VPS13C: variants seen among roughly 807,000 people sequenced by gnomAD.
The protein encoded by VPS13C is intermembrane lipid transfer protein VPS13C.
Under a neutral mutation model 456.8 loss-of-function variants are expected in VPS13C, and 358 were observed. The ratio of observed to expected loss-of-function variants is 0.78; its 90% CI spans 0.72 to 0.86. The LOEUF (loss-of-function observed/expected upper bound fraction) is 0.86. Ranked by LOEUF, VPS13C falls within the 40% of genes least tolerant of loss-of-function variation. VPS13C has a pLI of 0.00. For missense variants in VPS13C, 4,818 were observed against 4,385.4 expected (o/e 1.10, Z -2.79); for synonymous variants, 1,578 against 1,486.7 (o/e 1.06, Z -1.41).
intron 61 of VPS13C, among the ~76,000 whole-genome samples, chr15:61,914,096 A>G (rs1017921385): frequency 6.6e-6 from 1 of 152,182 alleles, no homozygotes; most frequent in Non-Finnish European, 1.5e-5. Flanking sequence ...TAGTTTGTAA[A>G]AAACTTGAGG....
At chr15:61,925,937 G>A (rs958168550) in intron 52 of VPS13C, among the ~76,000 whole-genome samples, 6 of 152,152 alleles carry the variant, frequency 3.9e-5, no homozygotes, top group African/African-American at 1.4e-4. Context: ...ACAGTTTCCC[G>A]ATGCTTGACA....
chr15:61,860,550 GA>G (rs1291823919), intron 82 of VPS13C, among the ~76,000 whole-genome samples: 1 of 152,018 alleles, frequency 6.6e-6, no homozygotes, highest in African/African-American at 2.4e-5. Flanking sequence ...AGATACTAGG[GA>G]AAAAATGTCC....
chr15:61,881,656 A>C (rs201012744), intron 70 of VPS13C, 24 bp from the exon 71 acceptor site: 1 of 1,607,478 alleles, frequency 6.2e-7, no homozygotes, highest in East Asian at 2.2e-5. Context: ...GTAACACATA[A>C]AAAAAAATAA....
chr15:61,856,249 G>A (rs1314591610), intron 83 of VPS13C, 37 bp downstream of exon 83: 1 of 1,606,936 alleles, frequency 6.2e-7, no homozygotes. Flanking sequence ...TAAAAGCAAT[G>A]AACTCTTAGC....
intron 74 of VPS13C, among the ~76,000 whole-genome samples, chr15:61,877,710 C>T (rs1007875720): frequency 1.2e-4 from 18 of 151,774 alleles, no homozygotes; most frequent in African/African-American, 4.3e-4. Flanking sequence ...TAAAAAGTAC[C>T]TATTTCTTAG....
At chr15:61,966,361 T>C (rs577460441) in intron 29 of VPS13C, among the ~76,000 whole-genome samples, 4 of 151,778 alleles carry the variant, frequency 2.6e-5, no homozygotes, top group African/African-American at 9.6e-5. Flanking sequence ...AATATTCATT[T>C]CTGGGAAACT....
chr15:61,930,438 A>C (rs2044017098), intron 50 of VPS13C, among the ~76,000 whole-genome samples: 1 of 152,218 alleles, frequency 6.6e-6, no homozygotes, highest in Admixed American at 6.5e-5. Flanking sequence ...CAAAGGGCTC[A>C]CAAGTATCCC....
At position 62,060,400 on chromosome 15, in the gene VPS13C, G is replaced by T. The variant is rs375196196; in HGVS notation, c.-26C>A. On this transcript the variant is annotated 5_prime_UTR_variant, in exon 1 of 85. Coordinates refer to ENST00000644861, the MANE Select transcript of VPS13C (RefSeq NM_020821.3). Reference sequence around the variant, plus strand: ...GGTGGCGCTGAGGCACAAGGAGAGGGAGGAGCCGGAACCGCCCGGCGCAGC... The same window carrying T: ...GGTGGCGCTGAGGCACAAGGAGAGGTAGGAGCCGGAACCGCCCGGCGCAGC... 1.5e-6 allele frequency: 2 copies of T among 1,370,050 alleles called. No individual in the cohort carries two copies. Among genetic ancestry groups the T allele is most frequent in the South Asian group, 2.4e-5 (2 of 82,250 alleles). 84.9% of individuals were successfully genotyped at this position (1,370,050 alleles called of 1,614,324 possible). A position where few individuals can be genotyped will look rare whatever the true frequency, so the allele number is the denominator to read the frequency against.
intron 82 of VPS13C, among the ~76,000 whole-genome samples, chr15:61,862,478 T>C (rs920825207): frequency 2.0e-5 from 3 of 152,172 alleles, no homozygotes; most frequent in African/African-American, 7.2e-5. Flanking sequence ...TACTGAATTA[T>C]ATAAAAGTGA....
At chr15:61,965,945 C>A in intron 30 of VPS13C, 138 bp downstream of exon 30, 1 of 504,260 alleles carries the variant, frequency 2.0e-6, no homozygotes, top group Non-Finnish European at 3.4e-6. Flanking sequence ...TGGTAAGTAT[C>A]GATGAGGTTA....
chr15:61,918,308 A>G, intron 58 of VPS13C, 51 bp from the exon 59 acceptor site: 1 of 1,423,360 alleles, frequency 7.0e-7, no homozygotes, highest in South Asian at 1.4e-5. Flanking sequence ...TAAGTTCGAA[A>G]GAAAAAATGA....
chr15:61,929,814 C>T, intron 50 of VPS13C, 66 bp from the exon 51 acceptor site: 3 of 1,409,346 alleles, frequency 2.1e-6, no homozygotes, highest in Non-Finnish European at 2.9e-6. Context: ...GAAGAATTTC[C>T]TATATACCTC....
chr15:62,032,017 A>C (rs2047836581), intron 5 of VPS13C, among the ~76,000 whole-genome samples: 1 of 151,896 alleles, frequency 6.6e-6, no homozygotes, highest in South Asian at 2.1e-4. Flanking sequence ...GAGGAGCTTA[A>C]GATTTGTTTC....
In VPS13C at chr15:61,922,644, G is replaced by A. The variant is rs748601369; in HGVS notation, c.6728C>T (p.Ser2243Leu). Reference sequence around the variant, plus strand: ...AAACCAAGTGTTATAATCATTAATCGATTTGATACCCCAAAGATTTTCCAT... The same window carrying A: ...AAACCAAGTGTTATAATCATTAATCAATTTGATACCCCAAAGATTTTCCAT... ...KEMENLWGIK[S>L]INDYNTWFLG... The change falls in exon 54 of 85, where the codon TCG becomes TTG. Residue 2243 changes from serine to leucine, a missense_variant. Physicochemically the swap from Ser to Leu is moderately radical, Grantham distance 145 (BLOSUM62 -2). Coordinates refer to ENST00000644861, the MANE Select transcript of VPS13C (RefSeq NM_020821.3). 23 of 1,613,638 alleles carry A rather than the reference G, an allele frequency of 1.4e-5. No homozygotes were observed. The highest frequency in any genetic ancestry group is 6.6e-5 in the South Asian group (6 of 91,034).
At chr15:61,946,182 C>G in intron 44 of VPS13C, 125 bp downstream of exon 44, 1 of 771,840 alleles carries the variant, frequency 1.3e-6, no homozygotes, top group Non-Finnish European at 2.0e-6. Flanking sequence ...CCGTTTTCAT[C>G]TCCAATTCCT....
At chr15:62,019,472 G>C (rs951680707) in intron 9 of VPS13C, among the ~76,000 whole-genome samples, 1 of 152,012 alleles carries the variant, frequency 6.6e-6, no homozygotes, top group Non-Finnish European at 1.5e-5. Context: ...GTGTCCCAGA[G>C]ATTCTGGTAT....
chr15:61,945,498 T>A (rs1204001567), intron 45 of VPS13C, among the ~76,000 whole-genome samples: 2 of 152,214 alleles, frequency 1.3e-5, no homozygotes, highest in Non-Finnish European at 2.9e-5. Context: ...CCTGTGGAAA[T>A]GTTATAGAAT....
chr15:61,969,308 C>T lies in VPS13C; in HGVS notation c.2902G>A (p.Glu968Lys). 6.3e-7 allele frequency: 1 copy of T among 1,593,882 alleles called. No individual in the cohort carries two copies. Among genetic ancestry groups the T allele is most frequent in the Non-Finnish European group, 8.5e-7 (1 of 1,171,834 alleles). The change falls in exon 28 of 85, where the codon GAA (glutamate) becomes AAA (lysine). Residue 968 changes from glutamate to lysine, a missense_variant. Glu to Lys is a moderately conservative substitution (Grantham distance 56). Coordinates refer to ENST00000644861, the MANE Select transcript of VPS13C (RefSeq NM_020821.3). Reference protein sequence around the residue: ...YLKKISLDYHEIEGSKRKPLH... With the variant: ...YLKKISLDYHKIEGSKRKPLH... ...TTTTTATGGGTATTACCTTCAATTT[C>T]ATGATAATCCAAGCTGATTTTCTTT...
At chr15:61,880,781 C>CA (rs1895788374) in intron 72 of VPS13C, 59 bp from the exon 73 acceptor site, 2 of 1,545,964 alleles carry the variant, frequency 1.3e-6, no homozygotes, top group Non-Finnish European at 1.7e-6. Flanking sequence ...AGAATTCGTT[C>CA]AAAAGAGGCT....
Sources: allele counts gnomAD v4.1 joint callset (sites outside exome capture counted in the v4.1 genomes callset), GRCh38; gene constraint gnomAD v4.1.1; transcripts MANE v1.5; gene names NCBI Gene and HGNC (gene_info 2026-07-23, HGNC 2026-07-21).